The following PEMT variants were observed in gnomAD, a reference collection of about 807,000 sequenced individuals.
The protein encoded by PEMT is phospholipid methyltransferase.
PEMT carries 23 observed loss-of-function variants against 27.4 expected under a neutral mutation model. The ratio of observed to expected loss-of-function variants is 0.84; its 90% confidence interval spans 0.60 to 1.19. PEMT has a LOEUF of 1.19. PEMT is among the 50% of genes most tolerant of loss of function. PEMT has a pLI of 0.00. For missense variants in PEMT, 307 were observed against 310.1 expected (o/e 0.99, Z 0.07); for synonymous variants, 137 against 139.1 (o/e 0.98, Z 0.11).
chr17:17,539,562 G>T (rs1035972010), intron 2 of PEMT, among the ~76,000 whole-genome samples: 8 of 152,224 alleles, frequency 5.3e-5, no homozygotes, highest in Non-Finnish European at 1.2e-4. Context: ...TGGTGTGGAC[G>T]TGCCACAGTC....
At chr17:17,509,988 G>A (rs1164008638) in intron 4 of PEMT, among the ~76,000 whole-genome samples, 1 of 152,126 alleles carries the variant, frequency 6.6e-6, no homozygotes, top group Non-Finnish European at 1.5e-5. Context: ...TCCTCGCTCT[G>A]GTGAGTTCCT....
chr17:17,585,878 C>T (rs943134935), intron 1 of PEMT, among the ~76,000 whole-genome samples: 4 of 151,652 alleles, frequency 2.6e-5, no homozygotes, highest in African/African-American at 4.8e-5. Context: ...GTCAGGAGAT[C>T]GAGATCATCC....
chr17:17,584,426 C>T (rs936658095), intron 1 of PEMT, among the ~76,000 whole-genome samples: 12 of 152,034 alleles, frequency 7.9e-5, no homozygotes, highest in Admixed American at 7.2e-4. Flanking sequence ...CCCAAAGTGC[C>T]GAGGGATTAC....
At chr17:17,507,079 G>A in intron 5 of PEMT, 1 of 1,271,666 alleles carries the variant, frequency 7.9e-7, no homozygotes, top group South Asian at 1.3e-5. Context: ...CAGCTCGTCA[G>A]TGACGGCACC....
rs1292135358 is a variant in PEMT at position 17,576,119 on chromosome 17, G to A, written c.204+801C>T. Reference sequence around the variant, plus strand: ...CACCCACTCCCCCAGCAGGATCCCCGGGAAGCAGCCCAGAAGCACCCCCCA... The same window carrying A: ...CACCCACTCCCCCAGCAGGATCCCCAGGAAGCAGCCCAGAAGCACCCCCCA... On this transcript the variant is annotated intron_variant, in intron 2 of 6. Transcript: ENST00000255389. Among the ~76,000 whole-genome samples the A allele has an allele frequency of 3.9e-5, 6 of 151,992 alleles. No homozygotes were observed. The East Asian group carries it at 5.8e-4, about 15-fold the overall frequency.
At chr17:17,527,592 G>A (rs1907768418) in intron 2 of PEMT, among the ~76,000 whole-genome samples, 1 of 152,238 alleles carries the variant, frequency 6.6e-6, no homozygotes, top group African/African-American at 2.4e-5. Context: ...GCTGCTGTGC[G>A]GATTAAGCGA....
chr17:17,533,369 A>G (rs1372306322), intron 2 of PEMT, among the ~76,000 whole-genome samples: 3 of 152,240 alleles, frequency 2.0e-5, no homozygotes, highest in Non-Finnish European at 1.5e-5. Flanking sequence ...AAGAGCTAAA[A>G]CTATAAAACT....
Position 17,591,685 on chromosome 17 carries a change from C to G in PEMT, c.-59G>C. 1.3e-6 allele frequency: 2 copies of G among 1,567,196 alleles called. No individual in the cohort carries two copies. Among genetic ancestry groups the G allele is most frequent in the Middle Eastern group, 3.4e-4 (2 of 5,820 alleles). On this transcript the variant is annotated 5_prime_UTR_variant, in exon 1 of 7. Transcript: ENST00000255389. ...CCGCTGCAGCCACGCGCCCCCGGAA[C>G]CGGACCTATAGAGCCGGGTAAGTGC...
At chr17:17,577,396 A>C (rs1911672708) in intron 1 of PEMT, 4 of 893,450 alleles carry the variant, frequency 4.5e-6, no homozygotes, top group Non-Finnish European at 5.6e-6. Flanking sequence ...GATAAATGTG[A>C]AGAGATGCTC....
chr17:17,511,823 C>T (rs1378095131), intron 4 of PEMT, among the ~76,000 whole-genome samples: 1 of 151,274 alleles, frequency 6.6e-6, no homozygotes, highest in South Asian at 2.1e-4. Context: ...CCTCCCACCC[C>T]GACCCCTACT....
intron 2 of PEMT, among the ~76,000 whole-genome samples, chr17:17,562,257 A>G (rs542249998): frequency 2.0e-5 from 3 of 152,224 alleles, no homozygotes; most frequent in African/African-American, 7.2e-5. Flanking sequence ...GCTGCCCCTT[A>G]AGGCAGATCG....
At chr17:17,547,805 C>T (rs1266985861) in intron 2 of PEMT, among the ~76,000 whole-genome samples, 5 of 152,164 alleles carry the variant, frequency 3.3e-5, no homozygotes, top group African/African-American at 7.2e-5. Context: ...AGGTTTATCT[C>T]GGACTTGGTA....
intron 2 of PEMT, among the ~76,000 whole-genome samples, chr17:17,547,054 C>G (rs9904293): frequency 1.7e-3 from 254 of 152,376 alleles, no homozygotes; most frequent in African/African-American, 5.9e-3. Context: ...TGCTCTCGAG[C>G]CACATGCTCC....
At chr17:17,550,942 T>G (rs1316744271) in intron 2 of PEMT, among the ~76,000 whole-genome samples, 2 of 152,184 alleles carry the variant, frequency 1.3e-5, no homozygotes, top group African/African-American at 4.8e-5. Context: ...ACGTTGTAAC[T>G]AAAGGACGTT....
In PEMT at chr17:17,582,932, C is replaced by T. The variant is rs1227529762; in HGVS notation, c.97-5905G>A. On this transcript the variant is annotated intron_variant, in intron 1 of 6. Coordinates refer to ENST00000255389, the MANE Select transcript of PEMT (RefSeq NM_148172.3). This position sits in a 1 kb window ranked among gnomAD's most constrained non-coding sequence, Gnocchi z 4.9. ...CAAAAATTAGCTGGACATGGTGGTG[C>T]ACGACTGTAGTCCCAGCTACTGGGG... is the stretch of plus-strand genomic sequence containing the variant. 6.6e-6 allele frequency among the ~76,000 whole-genome samples: 1 copy of T among 152,154 alleles called. No homozygotes were observed. The highest frequency in any genetic ancestry group is 1.9e-4 in the East Asian group (1 of 5,172).
intron 1 of PEMT, among the ~76,000 whole-genome samples, chr17:17,585,004 G>A (rs1470186089): frequency 2.0e-5 from 3 of 152,234 alleles, no homozygotes; most frequent in Non-Finnish European, 2.9e-5. Context: ...TCGAGTCCTG[G>A]TGACAACCCT....
chr17:17,558,196 A>ACG (rs1266300504), intron 2 of PEMT, among the ~76,000 whole-genome samples: 1 of 151,970 alleles, frequency 6.6e-6, no homozygotes, highest in Non-Finnish European at 1.5e-5. Flanking sequence ...ACAAACACAC[A>ACG]CACACACACA....
chr17:17,583,526 G>A (rs191521493), intron 1 of PEMT, among the ~76,000 whole-genome samples: 14 of 152,322 alleles, frequency 9.2e-5, no homozygotes, highest in Admixed American at 8.5e-4. Context: ...GGCAGCCACT[G>A]TCTGAGCTGG....
At chr17:17,547,952 A>T (rs969513877) in intron 2 of PEMT, among the ~76,000 whole-genome samples, 1 of 152,176 alleles carries the variant, frequency 6.6e-6, no homozygotes, top group Non-Finnish European at 1.5e-5. Context: ...GCAAGAAGAA[A>T]ATTGGAAAAC....
Sources: allele counts gnomAD v4.1 joint callset (sites outside exome capture counted in the v4.1 genomes callset), GRCh38; gene constraint gnomAD v4.1.1; non-coding constraint Gnocchi (gnomAD v3.1); transcripts MANE v1.5; gene names NCBI Gene and HGNC (gene_info 2026-07-23, HGNC 2026-07-21).